TC2N: variants seen among roughly 807,000 people sequenced by gnomAD.
TC2N encodes the protein tandem C2 domains, nuclear, also known as tandem C2 domains nuclear protein.
In TC2N, 51 loss-of-function variants were observed where a neutral mutation model predicts 61.9. The observed-to-expected ratio is 0.82, with a 90% CI of 0.66 to 1.04. TC2N has a LOEUF of 1.04. Among genes scored for constraint, TC2N ranks in the 50% least tolerant of loss-of-function variants. The probability of loss-of-function intolerance (pLI) is 0.00; values close to 1 mark genes in which losing one functional copy is unlikely to be tolerated. For missense variants in TC2N, 556 were observed against 566.7 expected (o/e 0.98, Z 0.19); for synonymous variants, 204 against 192.6 (o/e 1.06, Z -0.49).
intron 1 of TC2N, among the ~76,000 whole-genome samples, chr14:91,847,060 C>A (rs947959336): frequency 4.6e-5 from 7 of 152,172 alleles, no homozygotes; most frequent in Admixed American, 4.6e-4. Context: ...GAGTTCAAGA[C>A]CAGCCTGGCC....
At chr14:91,797,614 A>T (rs540282810) in intron 8 of TC2N, among the ~76,000 whole-genome samples, 171 bp downstream of exon 8, 33 of 151,954 alleles carry the variant, frequency 2.2e-4, no homozygotes, top group Non-Finnish European at 3.1e-4. Context: ...CTAGACAATG[A>T]AATATCAAAT....
chr14:91,843,539 C>T (rs1256292783), intron 1 of TC2N, among the ~76,000 whole-genome samples: 1 of 152,202 alleles, frequency 6.6e-6, no homozygotes, highest in Non-Finnish European at 1.5e-5. Context: ...CAGAAAGTTA[C>T]TGCTGAATAT....
intron 1 of TC2N, among the ~76,000 whole-genome samples, chr14:91,824,876 T>C (rs928278364): frequency 6.6e-6 from 1 of 152,030 alleles, no homozygotes; most frequent in Non-Finnish European, 1.5e-5. Flanking sequence ...ATTCCAGAAA[T>C]TGCAAAAATC....
Position 91,800,286 on chromosome 14 carries a change from T to G in TC2N, c.556A>C (p.Ile186Leu), listed in dbSNP as rs765990430. The change falls in exon 5 of 12, where the codon ATC (isoleucine) becomes CTC (leucine). Residue 186 changes from isoleucine to leucine, a missense_variant. By Grantham distance (5) the Ile-to-Leu change is conservative (BLOSUM62 2). Coordinates refer to ENST00000435962, the MANE Select transcript of TC2N (RefSeq NM_001128596.3). The part of the protein sequence containing the change: ...FDLTNSSQRF[I>L]QRHDSLSSVP... ...AATTTATGTAGATAATTCACCTGGA[T>G]GAATCGCTGAGATGAGTTTGTAAGA... The G allele has an allele frequency of 1.3e-5, 20 of 1,582,838 alleles. No individual in the cohort carries two copies. The South Asian group carries it at 2.1e-4, about 17-fold the overall frequency.
chr14:91,850,826 G>C (rs908776628), intron 1 of TC2N, among the ~76,000 whole-genome samples: 5 of 152,162 alleles, frequency 3.3e-5, no homozygotes, highest in African/African-American at 1.2e-4. Context: ...AGCTACTCAG[G>C]AGTCTGAGAG....
At chr14:91,789,984 AG>A (rs1566761104) in intron 9 of TC2N, among the ~76,000 whole-genome samples, 1 of 152,182 alleles carries the variant, frequency 6.6e-6, no homozygotes, top group East Asian at 1.9e-4. Context: ...TACATGGTAG[AG>A]TTAAAAGAGC....
In TC2N at chr14:91,781,986, A is replaced by C. The variant is rs1885152716; in HGVS notation, c.*1114T>G. 6.6e-6 allele frequency: 1 copy of C among 152,022 alleles called. No individual in the cohort carries two copies. The highest frequency in any genetic ancestry group is 2.4e-5 in the African/African-American group (1 of 41,430). The allele number at this position is 152,022 out of a possible 1,614,324, so 9.4% of individuals were successfully genotyped here. A position where few individuals can be genotyped will look rare whatever the true frequency, so the allele number is the denominator to read the frequency against. ...GGCAGAAAAAAAGGGAAGACTGAGAACACAGAGCACTTAGTCTACTTATTA... is the reference window on the plus strand; with the variant it reads ...GGCAGAAAAAAAGGGAAGACTGAGACCACAGAGCACTTAGTCTACTTATTA... On this transcript the variant is annotated 3_prime_UTR_variant, in exon 12 of 12. Coordinates refer to ENST00000435962, the MANE Select transcript of TC2N (RefSeq NM_001128596.3).
At chr14:91,803,705 C>T (rs1195564712) in intron 3 of TC2N, among the ~76,000 whole-genome samples, 3 of 152,222 alleles carry the variant, frequency 2.0e-5, no homozygotes, top group Non-Finnish European at 4.4e-5. Context: ...GATCCACCGC[C>T]TCAGCCTCCC....
intron 1 of TC2N, among the ~76,000 whole-genome samples, chr14:91,849,356 C>T (rs1050028290): frequency 6.6e-6 from 1 of 151,910 alleles, no homozygotes; most frequent in Non-Finnish European, 1.5e-5. Flanking sequence ...ACACAAGACA[C>T]TTTGGTGGCC....
chr14:91,793,908 C>T (rs1031195542), intron 8 of TC2N, among the ~76,000 whole-genome samples: 1 of 152,034 alleles, frequency 6.6e-6, no homozygotes, highest in Non-Finnish European at 1.5e-5. Context: ...TGCTGAAAGC[C>T]GAGACAGACC....
intron 1 of TC2N, among the ~76,000 whole-genome samples, chr14:91,816,920 A>G (rs946812934): frequency 5.3e-5 from 8 of 151,862 alleles, no homozygotes; most frequent in Non-Finnish European, 1.0e-4. Context: ...TTAAATTCTT[A>G]TATCATGTTA....
At chr14:91,865,248 A>G (rs2139930314) in intron 1 of TC2N, among the ~76,000 whole-genome samples, 1 of 152,262 alleles carries the variant, frequency 6.6e-6, no homozygotes, top group East Asian at 1.9e-4. Context: ...GCTGCTGGCT[A>G]AGATTCATTA....
chr14:91,831,327 A>C (rs997203421), intron 1 of TC2N, among the ~76,000 whole-genome samples: 1 of 152,230 alleles, frequency 6.6e-6, no homozygotes, highest in Non-Finnish European at 1.5e-5. Flanking sequence ...GAGTAGCTTC[A>C]GTATTATTTA....
At chr14:91,853,875 T>G (rs1211354392) in intron 1 of TC2N, among the ~76,000 whole-genome samples, 1 of 151,982 alleles carries the variant, frequency 6.6e-6, no homozygotes, top group African/African-American at 2.4e-5. Context: ...GGCATAAGCT[T>G]CTCCTGTGGG....
At chr14:91,830,776 T>C (rs915041605) in intron 1 of TC2N, among the ~76,000 whole-genome samples, 1 of 152,242 alleles carries the variant, frequency 6.6e-6, no homozygotes. Context: ...ACCAAGGTAA[T>C]ATAAAACTTC....
intron 1 of TC2N, among the ~76,000 whole-genome samples, chr14:91,828,286 C>T (rs1284436603): frequency 6.6e-6 from 1 of 151,976 alleles, no homozygotes; most frequent in Non-Finnish European, 1.5e-5. Context: ...TAATTATTAT[C>T]AACTCATAGT....
At chr14:91,863,384 C>A (rs1052515509) in intron 1 of TC2N, among the ~76,000 whole-genome samples, 1 of 152,134 alleles carries the variant, frequency 6.6e-6, no homozygotes, top group Non-Finnish European at 1.5e-5. Context: ...GCAGCTCACG[C>A]CTAAGACCTG....
rs112019460 is a variant in TC2N at position 91,801,015 on chromosome 14, C to CAT, written c.470-645_470-644dup. 2.0e-5 allele frequency among the ~76,000 whole-genome samples: 3 copies of CAT among 149,856 alleles called. No individual in the cohort carries two copies. The South Asian group carries it at 6.3e-4, about 31-fold the overall frequency. ...ACACACACATATGTATACATATATA[C>CAT]ATATATATACACACACATATGTATA... On this transcript the variant is annotated intron_variant, in intron 4 of 11. Transcript: ENST00000435962.
rs1249731662 is a variant in TC2N, at chr14:91,805,368, TA to T, written c.302-2948del. ...ATTATTACAAAAAAGTCAAAAGTTT[TA>T]AAATATTTAAAAGTTTAGGCCAGGC... On this transcript the variant is annotated intron_variant, in intron 3 of 11. Transcript: ENST00000435962. Among the ~76,000 whole-genome samples the T allele has an allele frequency of 2.0e-5, 3 of 152,214 alleles. 1 individual carries two copies. Among genetic ancestry groups the T allele is most frequent in the Non-Finnish European group, 4.4e-5 (3 of 68,024 alleles).
Sources: allele counts gnomAD v4.1 joint callset (sites outside exome capture counted in the v4.1 genomes callset), GRCh38; gene constraint gnomAD v4.1.1; transcripts MANE v1.5; gene names NCBI Gene and HGNC (gene_info 2026-07-23, HGNC 2026-07-21).